Variants in LHFPL3 observed in about 807,000 individuals in gnomAD.
The protein encoded by LHFPL3 is LHFPL tetraspan subfamily member 3.
Under a neutral mutation model 19.3 loss-of-function variants are expected in LHFPL3, and 5 were observed. The observed-to-expected ratio is 0.26, with a 90% confidence interval of 0.14 to 0.54. The LOEUF (loss-of-function observed/expected upper bound fraction) is 0.54, where lower values mean the gene tolerates loss of function less well. Among genes scored for constraint, LHFPL3 ranks in the 20% least tolerant of loss-of-function variants. The probability of loss-of-function intolerance (pLI) is 0.94; values close to 1 mark genes in which losing one functional copy is unlikely to be tolerated. For synonymous variants in LHFPL3, 133 were observed against 126.2 expected (o/e 1.05, Z -0.36); for missense variants, 249 against 307.4 (o/e 0.81, Z 1.42).
intron 2 of LHFPL3, among the ~76,000 whole-genome samples, chr7:104,878,830 C>T (rs1030091562): frequency 5.9e-5 from 9 of 152,106 alleles, no homozygotes; most frequent in South Asian, 2.1e-4. Context: ...CTCCAGTGAA[C>T]GAACACACAA....
At chr7:104,505,147 A>C (rs1217260013) in intron 1 of LHFPL3, among the ~76,000 whole-genome samples, 1 of 152,218 alleles carries the variant, frequency 6.6e-6, no homozygotes, top group Non-Finnish European at 1.5e-5. Context: ...CTGGCTTCCA[A>C]AATCAGTATT....
At chr7:104,630,312 G>T (rs934787454) in intron 1 of LHFPL3, among the ~76,000 whole-genome samples, 2 of 152,138 alleles carry the variant, frequency 1.3e-5, no homozygotes, top group African/African-American at 4.8e-5. Flanking sequence ...ATGGTGAGCT[G>T]GGTTTATAAG....
intron 1 of LHFPL3, among the ~76,000 whole-genome samples, chr7:104,527,398 T>G (rs532616645): frequency 6.6e-6 from 1 of 151,946 alleles, no homozygotes; most frequent in African/African-American, 2.4e-5. Context: ...TTCATGAAAG[T>G]GTGTTCTTAC....
intron 1 of LHFPL3, chr7:104,668,992 T>G: frequency 6.2e-7 from 1 of 1,611,996 alleles, no homozygotes. Flanking sequence ...ACGGGAACGG[T>G]CGAGGACAGG....
chr7:104,890,219 C>T (rs1381208148), intron 2 of LHFPL3, among the ~76,000 whole-genome samples: 1 of 152,154 alleles, frequency 6.6e-6, no homozygotes, highest in African/African-American at 2.4e-5. Flanking sequence ...GGGAGGGTCC[C>T]TTGAGCCCAG....
chr7:104,343,578 GAGA>G (rs1402746756), intron 1 of LHFPL3, among the ~76,000 whole-genome samples: 2 of 107,534 alleles, frequency 1.9e-5, no homozygotes, highest in East Asian at 5.0e-4. Context: ...TACAATGAAA[GAGA>G]AGGTGATTTA....
chr7:104,665,292 A>T (rs1321996557), intron 1 of LHFPL3, among the ~76,000 whole-genome samples: 1 of 152,234 alleles, frequency 6.6e-6, no homozygotes, highest in Non-Finnish European at 1.5e-5. Flanking sequence ...AGTTTTCATC[A>T]GAACACTCAG....
At chr7:104,531,319 G>T (rs1794289739) in intron 1 of LHFPL3, among the ~76,000 whole-genome samples, 1 of 152,184 alleles carries the variant, frequency 6.6e-6, no homozygotes, top group Admixed American at 6.5e-5. Context: ...AGCAGCTCTG[G>T]CAAGCTAACA....
At chr7:104,595,904 T>G (rs1369484053) in intron 1 of LHFPL3, among the ~76,000 whole-genome samples, 1 of 152,238 alleles carries the variant, frequency 6.6e-6, no homozygotes, top group African/African-American at 2.4e-5. Flanking sequence ...TGCCGGTTGC[T>G]AAGACCTTGG....
intron 2 of LHFPL3, chr7:104,895,314 A>G (rs1188316173): frequency 6.6e-6 from 1 of 152,198 alleles, no homozygotes; most frequent in East Asian, 1.9e-4. Flanking sequence ...AGTCAAATCA[A>G]TTGGGTGACC....
intron 2 of LHFPL3, among the ~76,000 whole-genome samples, chr7:104,770,208 A>G (rs74604397): frequency 2.6e-5 from 4 of 152,056 alleles, no homozygotes; most frequent in Non-Finnish European, 5.9e-5. Flanking sequence ...AAAAAGGTAG[A>G]TCACTTCCTC....
intron 2 of LHFPL3, among the ~76,000 whole-genome samples, chr7:104,788,041 A>G (rs555504190): frequency 1.3e-5 from 2 of 152,342 alleles, no homozygotes; most frequent in African/African-American, 4.8e-5. Flanking sequence ...AACCCTGTGC[A>G]TCACAACCTA....
intron 2 of LHFPL3, among the ~76,000 whole-genome samples, chr7:104,780,226 C>T (rs62485078): frequency 0.18 from 26,825 of 152,032 alleles, 2,535 homozygotes; most frequent in Middle Eastern, 0.22. Context: ...CAGAAGCTTC[C>T]CAGGAACGAA....
rs571440316 is a variant in LHFPL3, at chr7:104,620,237, G to T, written c.446-116438G>T. Among the ~76,000 whole-genome samples the T allele has an allele frequency of 5.5e-4, 84 of 152,286 alleles. No individual in the cohort carries two copies. In the South Asian group the frequency reaches 0.016, roughly 29 times the overall value. Reference sequence around the variant, plus strand: ...CAGAGAATCAAGCAAATTGTGCTAGGTGGAATTTGATCCTGGACAATTCAG... The same window carrying T: ...CAGAGAATCAAGCAAATTGTGCTAGTTGGAATTTGATCCTGGACAATTCAG... On this transcript the variant is annotated intron_variant, in intron 1 of 2. Coordinates refer to ENST00000424859, the MANE Select transcript of LHFPL3 (RefSeq NM_199000.3).
intron 1 of LHFPL3, among the ~76,000 whole-genome samples, chr7:104,383,711 A>G (rs1790877930): frequency 6.6e-6 from 1 of 152,222 alleles, no homozygotes; most frequent in Admixed American, 6.5e-5. Flanking sequence ...ATTTAAAGGT[A>G]AGATTGTAGG....
At chr7:104,604,087 G>A (rs1033349802) in intron 1 of LHFPL3, among the ~76,000 whole-genome samples, 1 of 152,160 alleles carries the variant, frequency 6.6e-6, no homozygotes, top group African/African-American at 2.4e-5. Flanking sequence ...CCTGCAGCAG[G>A]TTTCTGCCTT....
intron 2 of LHFPL3, among the ~76,000 whole-genome samples, chr7:104,900,249 A>G (rs1468954161): frequency 6.6e-6 from 1 of 152,266 alleles, no homozygotes; most frequent in Admixed American, 6.5e-5. Context: ...AGGCCTGCCA[A>G]GTAATTGTGC....
intron 2 of LHFPL3, among the ~76,000 whole-genome samples, chr7:104,807,053 G>GTGTGTA (rs1232112495): frequency 6.9e-6 from 1 of 145,192 alleles, no homozygotes; most frequent in Admixed American, 6.9e-5. Context: ...GTGTGTGTGT[G>GTGTGTA]TATTAGAGTC....
At chr7:104,680,667 C>T (rs1226135082) in intron 1 of LHFPL3, among the ~76,000 whole-genome samples, 1 of 152,104 alleles carries the variant, frequency 6.6e-6, no homozygotes, top group Non-Finnish European at 1.5e-5. Flanking sequence ...CATGGTTATA[C>T]AGGAAAGAGT....
Sources: gnomAD v4.1 joint callset for allele counts (sites outside exome capture counted in the v4.1 genomes callset) on GRCh38, gnomAD v4.1.1 for gene constraint, MANE v1.5 for transcripts, NCBI Gene and HGNC (gene_info 2026-07-23, HGNC 2026-07-21) for gene names.